Variants in RPS6KC1 observed in about 807,000 individuals in gnomAD.
RPS6KC1 encodes inactive ribosomal protein S6 kinase delta-1.
Under a neutral mutation model 103.8 loss-of-function variants are expected in RPS6KC1, and 54 were observed. The observed-to-expected ratio is 0.52, with a 90% CI of 0.42 to 0.65. RPS6KC1 has a LOEUF of 0.65. Ranked by LOEUF, RPS6KC1 falls within the 30% of genes least tolerant of loss-of-function variation. The pLI is 0.00. For synonymous variants in RPS6KC1, 439 were observed against 438.7 expected, an observed-to-expected ratio of 1.00 and a Z score of -0.01; for missense variants, 1,151 against 1,253.8, an observed-to-expected ratio of 0.92 and a Z score of 1.24.
chr1:213,494,953 A>G, the RPS6KC1 span, among the ~76,000 whole-genome samples: 2 of 150,672 alleles, frequency 1.3e-5, no homozygotes, highest in African/African-American at 4.8e-5. Flanking sequence ...TACAAAGAAA[A>G]GTAATCTTGA....
At chr1:213,535,830 G>A in the RPS6KC1 span, among the ~76,000 whole-genome samples, 11 of 152,112 alleles carry the variant, frequency 7.2e-5, no homozygotes, top group Admixed American at 4.6e-4. Flanking sequence ...CTCTTGTGTC[G>A]TTGGCTAGGA....
chr1:213,808,260 G>A, the RPS6KC1 span, among the ~76,000 whole-genome samples: 579 of 152,310 alleles, frequency 3.8e-3, 1 homozygote, highest in African/African-American at 0.012. Flanking sequence ...CAGTCTGCCC[G>A]TTCTCAGATC....
intron 3 of RPS6KC1, among the ~76,000 whole-genome samples, chr1:213,099,679 C>A (rs2081835871): frequency 6.6e-6 from 1 of 152,066 alleles, no homozygotes; most frequent in African/African-American, 2.4e-5. Context: ...CCTTAAGCTA[C>A]CCAGAAGGAA....
At chr1:213,362,339 C>T in the RPS6KC1 span, among the ~76,000 whole-genome samples, 1 of 152,204 alleles carries the variant, frequency 6.6e-6, no homozygotes, top group African/African-American at 2.4e-5. Context: ...AATACCTTCA[C>T]ATCTCCAGCT....
the RPS6KC1 span, among the ~76,000 whole-genome samples, chr1:213,508,047 T>C: frequency 1.3e-5 from 2 of 152,344 alleles, no homozygotes; most frequent in South Asian, 4.1e-4. Flanking sequence ...GCGGTACTTA[T>C]ACCCCAGCCA....
the RPS6KC1 span, among the ~76,000 whole-genome samples, chr1:213,856,966 A>C: frequency 6.6e-6 from 1 of 152,242 alleles, no homozygotes; most frequent in Non-Finnish European, 1.5e-5. Context: ...AAATTCACTG[A>C]AACATGTAAC....
chr1:213,773,651 G>A, the RPS6KC1 span, among the ~76,000 whole-genome samples: 241 of 151,922 alleles, frequency 1.6e-3, no homozygotes, highest in Middle Eastern at 3.4e-3. Context: ...TTTAAAATTC[G>A]TAAGGCGGGC....
At chr1:213,294,682 AAAGAG>A in the RPS6KC1 span, among the ~76,000 whole-genome samples, 1 of 152,272 alleles carries the variant, frequency 6.6e-6, no homozygotes, top group Middle Eastern at 3.4e-3. Context: ...TGCCCAACCC[AAAGAG>A]AAGAGAAGTT....
At chr1:213,619,541 A>G in the RPS6KC1 span, among the ~76,000 whole-genome samples, 1 of 152,250 alleles carries the variant, frequency 6.6e-6, no homozygotes, top group African/African-American at 2.4e-5. Flanking sequence ...GTTTTTAGAT[A>G]GGTAGCCAAG....
chr1:213,652,902 G>T, the RPS6KC1 span, among the ~76,000 whole-genome samples: 5 of 152,174 alleles, frequency 3.3e-5, no homozygotes, highest in African/African-American at 1.2e-4. Flanking sequence ...CATTTTCTGA[G>T]CCATGAAGTT....
intron 1 of RPS6KC1, among the ~76,000 whole-genome samples, chr1:213,059,544 T>C (rs557568796): frequency 6.7e-4 from 102 of 152,312 alleles, no homozygotes; most frequent in Non-Finnish European, 1.2e-3. Context: ...AGACAGAGTC[T>C]CACTTGTCAT....
chr1:213,233,695 A>G (rs2094155738), intron 10 of RPS6KC1, among the ~76,000 whole-genome samples: 1 of 152,020 alleles, frequency 6.6e-6, no homozygotes, highest in Non-Finnish European at 1.5e-5. Flanking sequence ...AATTGATTTT[A>G]CTTGAATAAT....
chr1:213,798,896 A>G, the RPS6KC1 span, among the ~76,000 whole-genome samples: 3 of 152,194 alleles, frequency 2.0e-5, no homozygotes, highest in African/African-American at 7.2e-5. Flanking sequence ...ATACAGACCC[A>G]CAGCTCCAAG....
At chr1:213,700,589 A>G in the RPS6KC1 span, among the ~76,000 whole-genome samples, 1 of 151,596 alleles carries the variant, frequency 6.6e-6, no homozygotes, top group South Asian at 2.1e-4. Flanking sequence ...TATTTCTGTG[A>G]AGAATGTCAT....
chr1:213,206,268 A>G (rs1431030314), intron 8 of RPS6KC1, among the ~76,000 whole-genome samples: 2 of 152,222 alleles, frequency 1.3e-5, no homozygotes, highest in Non-Finnish European at 2.9e-5. Context: ...TCTTAGGATT[A>G]GAAAGGGCTT....
chr1:213,429,284 G>T, the RPS6KC1 span, among the ~76,000 whole-genome samples: 1 of 152,100 alleles, frequency 6.6e-6, no homozygotes, highest in African/African-American at 2.4e-5. Context: ...CTGAGTAGTA[G>T]CTGGGACCAC....
intron 1 of RPS6KC1, among the ~76,000 whole-genome samples, chr1:213,053,163 A>C (rs1280113058): frequency 6.6e-6 from 1 of 152,172 alleles, no homozygotes; most frequent in East Asian, 1.9e-4. Context: ...TTGAAAATCT[A>C]GGCTTAGTTT....
chr1:213,635,161 A>C, the RPS6KC1 span, among the ~76,000 whole-genome samples: 2 of 152,350 alleles, frequency 1.3e-5, no homozygotes, highest in East Asian at 3.9e-4. Flanking sequence ...GTCCAGGACC[A>C]GATGGATTCA....
the RPS6KC1 span, among the ~76,000 whole-genome samples, chr1:213,737,035 C>A: frequency 6.6e-6 from 1 of 152,190 alleles, no homozygotes; most frequent in Non-Finnish European, 1.5e-5. Flanking sequence ...ACAGAGCAAA[C>A]CAGCTCCCGG....
Sources: allele counts gnomAD v4.1 joint callset (sites outside exome capture counted in the v4.1 genomes callset), GRCh38; gene constraint gnomAD v4.1.1; transcripts MANE v1.5; gene names NCBI Gene and HGNC (gene_info 2026-07-23, HGNC 2026-07-21).